The following SGCZ variants were observed in gnomAD, a reference collection of about 807,000 sequenced individuals.
The protein encoded by SGCZ is sarcoglycan zeta, also known as zeta-sarcoglycan.
In SGCZ, 40 loss-of-function variants were observed where a neutral mutation model predicts 41.3. The ratio of observed to expected loss-of-function variants is 0.97; its 90% CI spans 0.75 to 1.26. The LOEUF (loss-of-function observed/expected upper bound fraction) is 1.26, where lower values mean the gene tolerates loss of function less well. Ranked by LOEUF, SGCZ falls within the 50% of genes most tolerant of loss-of-function variation. The pLI is 0.00. For missense variants in SGCZ, 552 were observed against 369.8 expected (o/e 1.49, Z -4.04); for synonymous variants, 206 against 137.5 (o/e 1.50, Z -3.49).
At chr8:14,622,657 T>A (rs28660541) in intron 1 of SGCZ, among the ~76,000 whole-genome samples, 21,554 of 152,164 alleles carry the variant, frequency 0.14, 1,867 homozygotes, top group Non-Finnish European at 0.19. Context: ...ATAATTTAGG[T>A]TACTGCTCAA....
chr8:14,254,210 G>A (rs1799384871), intron 3 of SGCZ, among the ~76,000 whole-genome samples: 1 of 152,090 alleles, frequency 6.6e-6, no homozygotes. Context: ...TTTACCGGCA[G>A]TTAAGGCAGA....
At chr8:14,104,861 A>G (rs912153712) in intron 6 of SGCZ, among the ~76,000 whole-genome samples, 1 of 152,154 alleles carries the variant, frequency 6.6e-6, no homozygotes. Flanking sequence ...AAAGATGCCA[A>G]TTATATGATT....
At chr8:14,269,311 T>C (rs935245590) in intron 3 of SGCZ, among the ~76,000 whole-genome samples, 1 of 152,256 alleles carries the variant, frequency 6.6e-6, no homozygotes, top group Non-Finnish European at 1.5e-5. Context: ...TTAAGAAATG[T>C]CCACTTTTTA....
chr8:15,193,844 A>G (rs1379077246), intron 1 of SGCZ, among the ~76,000 whole-genome samples: 1 of 152,138 alleles, frequency 6.6e-6, no homozygotes, highest in Admixed American at 6.5e-5. Context: ...ACCACGTTCT[A>G]CTTATTTTTT....
chr8:15,016,318 C>T (rs1445280129), intron 1 of SGCZ, among the ~76,000 whole-genome samples: 10 of 152,164 alleles, frequency 6.6e-5, no homozygotes, highest in Admixed American at 6.5e-4. Context: ...GCTAATGGAT[C>T]TTGATCTAAC....
intron 2 of SGCZ, among the ~76,000 whole-genome samples, chr8:14,491,858 G>C (rs540756093): frequency 1.3e-5 from 2 of 150,654 alleles, no homozygotes; most frequent in South Asian, 4.2e-4. Context: ...TGACCCATTA[G>C]AAATGAGTTC....
chr8:14,660,402 T>C (rs1161787657), intron 1 of SGCZ, among the ~76,000 whole-genome samples: 1 of 151,708 alleles, frequency 6.6e-6, no homozygotes, highest in East Asian at 2.0e-4. Flanking sequence ...TGAAACCTCA[T>C]CTCTACTAAA....
chr8:14,191,907 T>G (rs1805115208), intron 4 of SGCZ, among the ~76,000 whole-genome samples: 1 of 152,048 alleles, frequency 6.6e-6, no homozygotes, highest in Non-Finnish European at 1.5e-5. Flanking sequence ...TACTGAAATT[T>G]TATCTAAAAA....
intron 1 of SGCZ, among the ~76,000 whole-genome samples, chr8:14,985,703 C>G (rs1585438886): frequency 6.6e-6 from 1 of 152,120 alleles, no homozygotes; most frequent in South Asian, 2.1e-4. Context: ...CACAGTAGTC[C>G]ATTTAGGACA....
intron 1 of SGCZ, among the ~76,000 whole-genome samples, chr8:15,145,959 A>G (rs1799024100): frequency 6.6e-6 from 1 of 152,186 alleles, no homozygotes; most frequent in Non-Finnish European, 1.5e-5. Context: ...GGCAAAGAGA[A>G]TGGGTGAGGG....
intron 1 of SGCZ, among the ~76,000 whole-genome samples, chr8:15,178,587 G>A (rs1800068371): frequency 6.6e-6 from 1 of 152,166 alleles, no homozygotes; most frequent in Non-Finnish European, 1.5e-5. Context: ...CAGATGCAAT[G>A]TTATACAGCA....
chr8:14,348,688 T>C (rs1268761411), intron 2 of SGCZ, among the ~76,000 whole-genome samples: 1 of 152,114 alleles, frequency 6.6e-6, no homozygotes, highest in Non-Finnish European at 1.5e-5. Context: ...TGGAAAGATA[T>C]CTAACACACA....
chr8:15,009,957 T>C (rs1376715198), intron 1 of SGCZ, among the ~76,000 whole-genome samples: 1 of 152,212 alleles, frequency 6.6e-6, no homozygotes, highest in Non-Finnish European at 1.5e-5. Context: ...AGCTTAAATA[T>C]AATAAAATGT....
intron 1 of SGCZ, among the ~76,000 whole-genome samples, chr8:14,941,288 A>G (rs1386274582): frequency 6.6e-6 from 1 of 152,154 alleles, no homozygotes; most frequent in African/African-American, 2.4e-5. Context: ...GTGTCAAAGC[A>G]TCTGTATTCA....
chr8:14,277,809 A>G (rs190736672), intron 3 of SGCZ, among the ~76,000 whole-genome samples: 1 of 152,158 alleles, frequency 6.6e-6, no homozygotes, highest in Non-Finnish European at 1.5e-5. Flanking sequence ...CTGAGGAAGG[A>G]AACTTCTTTC....
intron 1 of SGCZ, among the ~76,000 whole-genome samples, chr8:14,853,056 T>C (rs554862254): frequency 5.9e-5 from 9 of 152,296 alleles, no homozygotes; most frequent in Non-Finnish European, 8.8e-5. Flanking sequence ...TATATTCCAA[T>C]AGCGGCCTTT....
intron 1 of SGCZ, among the ~76,000 whole-genome samples, chr8:15,070,338 C>A (rs1805305227): frequency 6.6e-6 from 1 of 152,104 alleles, no homozygotes; most frequent in African/African-American, 2.4e-5. Flanking sequence ...CATATAAAAG[C>A]AACTGGAAAA....
intron 1 of SGCZ, among the ~76,000 whole-genome samples, chr8:14,855,593 T>C (rs1456212804): frequency 6.6e-6 from 1 of 152,108 alleles, no homozygotes; most frequent in Non-Finnish European, 1.5e-5. Flanking sequence ...GTAGATTTTG[T>C]TTTCAACACA....
chr8:14,629,117 C>A (rs946288191), intron 1 of SGCZ, among the ~76,000 whole-genome samples: 65 of 152,188 alleles, frequency 4.3e-4, no homozygotes, highest in African/African-American at 1.5e-3. Flanking sequence ...CTTATTTTTG[C>A]AGAAAATTGA....
Sources: allele counts gnomAD v4.1 joint callset (sites outside exome capture counted in the v4.1 genomes callset), GRCh38; gene constraint gnomAD v4.1.1; transcripts MANE v1.5; gene names NCBI Gene and HGNC (gene_info 2026-07-23, HGNC 2026-07-21).